The following PCDHA8 variants were observed in gnomAD, a reference collection of about 807,000 sequenced individuals.
PCDHA8 encodes the protein protocadherin alpha-8.
A neutral mutation model predicts 61.8 loss-of-function variants in PCDHA8; 53 were observed. The ratio of observed to expected loss-of-function variants is 0.86; its 90% CI spans 0.69 to 1.08. The LOEUF (loss-of-function observed/expected upper bound fraction) is 1.08. Among genes scored for constraint, PCDHA8 ranks in the 50% least tolerant of loss-of-function variants. PCDHA8 has a pLI of 0.00. For missense variants in PCDHA8, 1,293 were observed against 1,245.0 expected, an observed-to-expected ratio of 1.04 and a Z score of -0.58; for synonymous variants, 618 against 556.6, an observed-to-expected ratio of 1.11 and a Z score of -1.55.
At chr5:140,860,376 A>G (rs1301503949) in intron 1 of PCDHA8, 1 of 152,078 alleles carries the variant, frequency 6.6e-6, no homozygotes, top group Non-Finnish European at 1.5e-5. Context: ...GTGAGACCCT[A>G]TTTCAAAAAT....
chr5:140,857,255 T>C (rs1307623486), intron 1 of PCDHA8: 1 of 1,598,356 alleles, frequency 6.3e-7, no homozygotes, highest in Non-Finnish European at 8.6e-7. Context: ...CTACAAGAAT[T>C]ACTACTCATT....
At position 140,898,329 on chromosome 5, in the gene PCDHA8, C is replaced by T. The variant is rs13158044; in HGVS notation, c.2394+54614C>T. Among the ~76,000 whole-genome samples the T allele has an allele frequency of 3.9e-5, 6 of 152,232 alleles. No homozygotes were observed. The East Asian group carries it at 7.7e-4, about 20-fold the overall frequency. On this transcript the variant is annotated intron_variant, in intron 1 of 3. Transcript: ENST00000531613. ...AGGGTTTTTATGGTTTTGGGTCTAA[C>T]GTTTAAGTCTTTAATCCATCTTGAA...
At chr5:140,994,485 C>T (rs573689251) in intron 3 of PCDHA8, among the ~76,000 whole-genome samples, 2 of 152,146 alleles carry the variant, frequency 1.3e-5, no homozygotes, top group South Asian at 2.1e-4. Flanking sequence ...GGTGGATTGC[C>T]TGAACCCAGG....
At position 140,851,036 on chromosome 5, in the gene PCDHA8, T is replaced by A; in HGVS notation, c.2394+7321T>A. On this transcript the variant is annotated intron_variant, in intron 1 of 3. Coordinates refer to ENST00000531613, the MANE Select transcript of PCDHA8 (RefSeq NM_018911.3). ...TTCTGATAAAGTAAACCCCTTAACA[T>A]TGGAGCCGACTTTGTCTTGACTTCT... 2 of 1,401,900 alleles carry A rather than the reference T, an allele frequency of 1.4e-6. 1 individual carries two copies. The highest frequency in any genetic ancestry group is 1.9e-6 in the Non-Finnish European group (2 of 1,068,406). The allele number at this position is 1,401,900 out of a possible 1,614,324, so 86.8% of individuals were successfully genotyped here.
chr5:140,848,335 G>GA (rs1397782811), intron 1 of PCDHA8: 5 of 865,392 alleles, frequency 5.8e-6, no homozygotes, highest in South Asian at 1.7e-5. Flanking sequence ...TCTGAATCCA[G>GA]ACAAATACAG....
chr5:140,986,897 T>A (rs534075146), intron 3 of PCDHA8, among the ~76,000 whole-genome samples: 13 of 152,086 alleles, frequency 8.5e-5, no homozygotes, highest in Non-Finnish European at 1.9e-4. Flanking sequence ...TTAGGCCCTA[T>A]CCTAGACTAA....
intron 1 of PCDHA8, chr5:140,881,341 G>C (rs1422783424): frequency 1.5e-5 from 15 of 984,968 alleles, no homozygotes; most frequent in Non-Finnish European, 1.7e-5. Flanking sequence ...ACGCCGATTC[G>C]GGCTACAATG....
At chr5:140,875,931 T>C in intron 1 of PCDHA8, 1 of 1,614,176 alleles carries the variant, frequency 6.2e-7, no homozygotes, top group South Asian at 1.1e-5. Flanking sequence ...CTCATTTTCC[T>C]CTAGAGGGCG....
chr5:140,968,801 G>T, intron 1 of PCDHA8: 1 of 1,614,216 alleles, frequency 6.2e-7, no homozygotes, highest in Non-Finnish European at 8.5e-7. Context: ...CATTACAGTA[G>T]CTGTGGTGGA....
chr5:140,993,462 T>TCACACACACACA (rs3836747), intron 3 of PCDHA8, among the ~76,000 whole-genome samples: 55 of 141,044 alleles, frequency 3.9e-4, no homozygotes, highest in Non-Finnish European at 5.3e-4. Context: ...TCTTTCTTTC[T>TCACACACACACA]CACACACACA....
intron 1 of PCDHA8, chr5:140,850,209 G>A (rs2150473302): frequency 1.9e-6 from 3 of 1,593,574 alleles, no homozygotes; most frequent in African/African-American, 2.7e-5. Context: ...TCGGATGAGG[G>A]GCACTGACGG....
rs1488596274 is a variant in PCDHA8, at chr5:140,841,538, G to A, written c.217G>A (p.Asp73Asn). 4 of 1,613,606 alleles carry A rather than the reference G, an allele frequency of 2.5e-6. No homozygotes were observed. The African/African-American group carries it at 5.3e-5, about 22-fold the overall frequency. The part of the protein sequence containing the change: ...LFRVASKRHR[D>N]LLEVSLQNGI... ...CCGGGTGGCGTCCAAAAGACACCGG[G>A]ACCTTCTGGAGGTAAGTCTGCAGAA... The change falls in exon 1 of 4, where the codon GAC (aspartate) becomes AAC (asparagine). Residue 73 changes from aspartate (D) to asparagine (N), a missense_variant. By Grantham distance (23) the Asp-to-Asn change is conservative. Transcript: ENST00000531613.
intron 1 of PCDHA8, chr5:140,928,708 T>C: frequency 1.2e-6 from 2 of 1,614,208 alleles, no homozygotes; most frequent in Non-Finnish European, 1.7e-6. Context: ...GGCGTCTGAC[T>C]CTAGTCTCTT....
At chr5:140,863,396 G>C (rs782335492) in intron 1 of PCDHA8, 1 of 872,572 alleles carries the variant, frequency 1.1e-6, no homozygotes, top group Non-Finnish European at 1.8e-6. Context: ...TGCATGCCGG[G>C]CAAGCCCACG....
At position 140,856,318 on chromosome 5, in the gene PCDHA8, C is replaced by T. The variant is rs200204071; in HGVS notation, c.2394+12603C>T. 8.1e-6 allele frequency: 13 copies of T among 1,598,576 alleles called. 2 individuals are homozygous for T. The African/African-American group carries it at 1.7e-4, about 21-fold the overall frequency. On this transcript the variant is annotated intron_variant, in intron 1 of 3. Transcript: ENST00000531613. ...TTTTGTTTGTGAATTCTCGGATTGACCGCGAGGAGCTGTGCGGGCGGAGCG... is the reference window on the plus strand; with the variant it reads ...TTTTGTTTGTGAATTCTCGGATTGATCGCGAGGAGCTGTGCGGGCGGAGCG...
At chr5:140,914,481 G>A (rs549926889) in intron 1 of PCDHA8, among the ~76,000 whole-genome samples, 3 of 152,120 alleles carry the variant, frequency 2.0e-5, no homozygotes, top group Non-Finnish European at 4.4e-5. Context: ...TAGGTGAAGT[G>A]TTTCTTGTGG....
At chr5:140,960,440 T>C (rs1304890095) in intron 1 of PCDHA8, among the ~76,000 whole-genome samples, 1 of 152,164 alleles carries the variant, frequency 6.6e-6, no homozygotes, top group Admixed American at 6.5e-5. Flanking sequence ...ACTCTAGATA[T>C]ATGTATGGAT....
chr5:140,941,492 T>G (rs1446870882), intron 1 of PCDHA8, among the ~76,000 whole-genome samples: 18 of 151,592 alleles, frequency 1.2e-4, no homozygotes, highest in Admixed American at 1.2e-3. Flanking sequence ...ATTTTTTGTA[T>G]TTTTAGTAGA....
In PCDHA8 at chr5:140,842,858, G is replaced by A. The variant is rs2150346522; in HGVS notation, c.1537G>A (p.Glu513Lys). The A allele has an allele frequency of 1.3e-6, 2 of 1,594,076 alleles. No individual in the cohort carries two copies. Among genetic ancestry groups the A allele is most frequent in the South Asian group, 2.2e-5 (2 of 90,430 alleles). ...SLSSYISVHTESGKVYALQPL... is the reference protein window; with the variant it reads ...SLSSYISVHTKSGKVYALQPL... The stretch of plus-strand genomic sequence containing the variant: ...GTCGAGCTACATTTCGGTGCACACG[G>A]AGAGCGGCAAGGTGTACGCGCTGCA... The change falls in exon 1 of 4, where the codon GAG becomes AAG. Residue 513 changes from glutamate (E) to lysine (K), a missense_variant. Glu to Lys is a moderately conservative substitution (Grantham distance 56, BLOSUM62 1). Coordinates refer to ENST00000531613, the MANE Select transcript of PCDHA8 (RefSeq NM_018911.3).
Sources: allele counts gnomAD v4.1 joint callset (sites outside exome capture counted in the v4.1 genomes callset), GRCh38; gene constraint gnomAD v4.1.1; transcripts MANE v1.5; gene names NCBI Gene and HGNC (gene_info 2026-07-23, HGNC 2026-07-21).